RPL27A: variants seen among roughly 807,000 people sequenced by gnomAD.
The protein encoded by RPL27A is large ribosomal subunit protein uL15.
For synonymous variants in RPL27A, 69 were observed against 68.3 expected (o/e 1.01, Z -0.05); for missense variants, 118 against 189.4 (o/e 0.62, Z 2.21).
At chr11:8,684,325 T>C (rs1402405796) in intron 3 of RPL27A, 1 of 743,442 alleles carries the variant, frequency 1.3e-6, no homozygotes, top group South Asian at 1.4e-5. Context: ...GTGGGCCTTA[T>C]GGCACAGTCA....
rs924868116 is a variant in RPL27A at position 8,687,553 on chromosome 11, A to G, written c.*1747A>G. 1.3e-5 allele frequency: 2 copies of G among 152,262 alleles called. No individual in the cohort carries two copies. The highest frequency in any genetic ancestry group is 4.8e-5 in the African/African-American group (2 of 41,468). The allele number at this position is 152,262 out of a possible 1,614,324, so 9.4% of individuals were successfully genotyped here. ...CAATACCTGTGTGACTTTTAGTCCT[A>G]ATTTCCTCATCTTTAAAATTTCAGT... On this transcript the variant is annotated 3_prime_UTR_variant, in exon 5 of 5. Transcript: ENST00000314138.
intron 1 of RPL27A, 73 bp downstream of exon 1, chr11:8,682,889 T>A: frequency 6.5e-7 from 1 of 1,528,348 alleles, no homozygotes; most frequent in Non-Finnish European, 8.9e-7. Flanking sequence ...TTGCCCCTAG[T>A]CATCCACTCC....
chr11:8,686,295 G>A lies in RPL27A; in HGVS notation c.*489G>A, dbSNP rs936238897. On this transcript the variant is annotated 3_prime_UTR_variant, in exon 5 of 5. Coordinates refer to ENST00000314138, the MANE Select transcript of RPL27A (RefSeq NM_000990.5). Reference sequence around the variant, plus strand: ...TTGCCAGGCTGGAGTGCAGTGGCACGATCTCGGCTCACTGCAGCCTCCGCC... The same window carrying A: ...TTGCCAGGCTGGAGTGCAGTGGCACAATCTCGGCTCACTGCAGCCTCCGCC... 1 of 152,834 alleles carries A rather than the reference G, an allele frequency of 6.5e-6. No homozygotes were observed. The highest frequency in any genetic ancestry group is 2.4e-5 in the African/African-American group (1 of 41,116). 9.5% of individuals were successfully genotyped at this position (152,834 alleles called of 1,614,324 possible).
chr11:8,683,046 G>C, intron 1 of RPL27A, 156 bp from the exon 2 acceptor site: 1 of 869,394 alleles, frequency 1.2e-6, no homozygotes, highest in South Asian at 1.6e-5. Flanking sequence ...ACCGTGGTGA[G>C]ACCTCACGGC....
At chr11:8,684,692 T>C (rs752840183) in intron 3 of RPL27A, 26 bp from the exon 4 acceptor site, 82 of 1,606,310 alleles carry the variant, frequency 5.1e-5, no homozygotes, top group Non-Finnish European at 6.7e-5. Flanking sequence ...GGAGTGTGTA[T>C]GAAGGTGGTT....
At chr11:8,685,037 C>T in intron 4 of RPL27A, 145 bp downstream of exon 4, 2 of 830,566 alleles carry the variant, frequency 2.4e-6, no homozygotes, top group East Asian at 2.5e-5. Context: ...ATAGGTAGTT[C>T]CCTATCCGTA....
intron 4 of RPL27A, 141 bp from the exon 5 acceptor site, chr11:8,685,537 G>A (rs751541641): frequency 1.1e-6 from 1 of 890,290 alleles, no homozygotes; most frequent in Non-Finnish European, 1.9e-6. Flanking sequence ...GGGGCAGTCG[G>A]TGCCCCCGTT....
At chr11:8,685,520 A>C in intron 4 of RPL27A, 158 bp from the exon 5 acceptor site, 1 of 793,650 alleles carries the variant, frequency 1.3e-6, no homozygotes, top group Non-Finnish European at 2.2e-6. Context: ...GTCTTGATTC[A>C]CTGGTGGGGG....
At position 8,682,798 on chromosome 11, in the gene RPL27A, C is replaced by G; in HGVS notation, c.-16C>G. 1 of 1,613,426 alleles carries G rather than the reference C, an allele frequency of 6.2e-7. No homozygotes were observed. Among genetic ancestry groups the G allele is most frequent in the Non-Finnish European group, 8.5e-7 (1 of 1,179,646 alleles). ...AGACTTGGCGAAGGCCTTCCTTTTT[C>G]GTCTGGGCTGCCAACATGGTAGGTG... On this transcript the variant is annotated 5_prime_UTR_variant, in exon 1 of 5. Coordinates refer to ENST00000314138, the MANE Select transcript of RPL27A (RefSeq NM_000990.5).
chr11:8,683,955 T>G, intron 2 of RPL27A, 51 bp from the exon 3 acceptor site: 1 of 1,467,232 alleles, frequency 6.8e-7, no homozygotes, highest in Non-Finnish European at 9.5e-7. Flanking sequence ...AATGCTGGGA[T>G]TACAGGCATG....
At position 8,689,478 on chromosome 11, in the gene RPL27A, T is replaced by A. The variant is rs916949801; in HGVS notation, c.*3672T>A. On this transcript the variant is annotated 3_prime_UTR_variant, in exon 5 of 5. Coordinates refer to ENST00000314138, the MANE Select transcript of RPL27A (RefSeq NM_000990.5). ...GTTCAACCCAATGCGTATTTTCATA[T>A]TGAGAGGCAATATAAATGGAGCGAA... 6.6e-6 allele frequency: 1 copy of A among 152,152 alleles called. No individual in the cohort carries two copies. The highest frequency in any genetic ancestry group is 1.5e-5 in the Non-Finnish European group (1 of 68,034). 9.4% of individuals were successfully genotyped at this position (152,152 alleles called of 1,614,324 possible).
At chr11:8,683,562 T>G (rs983858724) in intron 2 of RPL27A, 44 of 533,854 alleles carry the variant, frequency 8.2e-5, no homozygotes, top group Non-Finnish European at 1.5e-4. Context: ...AGTAATCGCA[T>G]TGCTGAAAAC....
chr11:8,684,383 T>G, intron 3 of RPL27A: 1 of 720,314 alleles, frequency 1.4e-6, no homozygotes, highest in East Asian at 2.7e-5. Context: ...CACAAACTAG[T>G]GGATGATAAA....
At chr11:8,682,921 G>C in intron 1 of RPL27A, 105 bp downstream of exon 1, 1 of 1,412,836 alleles carries the variant, frequency 7.1e-7, no homozygotes. Context: ...GGGGCTTCCA[G>C]GCTGCGCATG....
In RPL27A at chr11:8,682,910, C is replaced by T. The variant is rs2039512736; in HGVS notation, c.3+94C>T. The T allele has an allele frequency of 2.2e-5, 32 of 1,453,288 alleles. No individual in the cohort carries two copies. The South Asian group carries it at 3.2e-4, about 15-fold the overall frequency. The allele number at this position is 1,453,288 out of a possible 1,614,324, so 90.0% of individuals were successfully genotyped here. On this transcript the variant is annotated intron_variant, in intron 1 of 4. Coordinates refer to ENST00000314138, the MANE Select transcript of RPL27A (RefSeq NM_000990.5). ...CTAGTCATCCACTCCCTACCATGGTCGGGGCTTCCAGGCTGCGCATGGCCG... is the reference window on the plus strand; with the variant it reads ...CTAGTCATCCACTCCCTACCATGGTTGGGGCTTCCAGGCTGCGCATGGCCG...
In RPL27A at chr11:8,686,551, A is replaced by G. The variant is rs2133619291; in HGVS notation, c.*745A>G. On this transcript the variant is annotated 3_prime_UTR_variant, in exon 5 of 5. Coordinates refer to ENST00000314138, the MANE Select transcript of RPL27A (RefSeq NM_000990.5). Reference sequence around the variant, plus strand: ...GGCCATGGCTCCTTAATCTTGATCCAAATTATTGTTACATCCAGAATGTGA... The same window carrying G: ...GGCCATGGCTCCTTAATCTTGATCCGAATTATTGTTACATCCAGAATGTGA... 3 of 152,308 alleles carry G rather than the reference A, an allele frequency of 2.0e-5. No individual in the cohort carries two copies. Among genetic ancestry groups the G allele is most frequent in the South Asian group, 4.1e-4 (2 of 4,826 alleles). 9.4% of individuals were successfully genotyped at this position (152,308 alleles called of 1,614,324 possible).
chr11:8,683,602 C>T, intron 2 of RPL27A: 1 of 498,346 alleles, frequency 2.0e-6, no homozygotes, highest in Non-Finnish European at 3.6e-6. Context: ...ACAGCGTAAG[C>T]GGGACACAGA....
At chr11:8,683,983 C>A (rs201222615) in intron 2 of RPL27A, 23 bp from the exon 3 acceptor site, 23 of 1,604,392 alleles carry the variant, frequency 1.4e-5, no homozygotes, top group Non-Finnish European at 1.9e-5. Context: ...ACACCGGCCC[C>A]ACGTAGCTTT....
chr11:8,684,396 T>C, intron 3 of RPL27A: 1 of 718,482 alleles, frequency 1.4e-6, no homozygotes. Flanking sequence ...ATGATAAATT[T>C]TGGCTATTCA....
Sources: gnomAD v4.1 joint callset for allele counts on GRCh38, gnomAD v4.1.1 for gene constraint, MANE v1.5 for transcripts, NCBI Gene and HGNC (gene_info 2026-07-23, HGNC 2026-07-21) for gene names.